CDC14A: variants seen among roughly 807,000 people sequenced by gnomAD.
The protein encoded by CDC14A is cell division cycle 14A, also known as dual specificity protein phosphatase CDC14A.
CDC14A carries 53 observed loss-of-function variants against 74.4 expected under a neutral mutation model. That is an observed-to-expected ratio of 0.71 (90% CI 0.57 to 0.89). CDC14A has a LOEUF of 0.89. Ranked by LOEUF, CDC14A falls within the 40% of genes least tolerant of loss-of-function variation. The pLI, the probability that CDC14A is intolerant of heterozygous loss-of-function variation, is 0.00. For missense variants in CDC14A, 646 were observed against 713.7 expected (o/e 0.91, Z 1.08); for synonymous variants, 247 against 258.4 (o/e 0.96, Z 0.43).
At chr1:100,386,759 C>T (rs568603452) in intron 3 of CDC14A, among the ~76,000 whole-genome samples, 3 of 152,266 alleles carry the variant, frequency 2.0e-5, no homozygotes, top group South Asian at 2.1e-4. Context: ...GATATTAGGG[C>T]AGAATCTGAG....
chr1:100,452,798 G>T (rs1666278417), intron 7 of CDC14A, among the ~76,000 whole-genome samples: 1 of 152,054 alleles, frequency 6.6e-6, no homozygotes, highest in Non-Finnish European at 1.5e-5. Flanking sequence ...CCTCATCCTT[G>T]CTTAGGTATT....
chr1:100,393,088 T>C, intron 4 of CDC14A: 1 of 1,440,022 alleles, frequency 6.9e-7, no homozygotes, highest in Non-Finnish European at 9.8e-7. Context: ...CTGTTTAATT[T>C]GATAGATTTC....
intron 4 of CDC14A, among the ~76,000 whole-genome samples, chr1:100,420,015 TATATATATAC>T (rs1309596486): frequency 1.5e-4 from 14 of 90,814 alleles, no homozygotes; most frequent in African/African-American, 5.4e-4. Context: ...TATATATACA[TATATATATAC>T]ATATATACAC....
At chr1:100,399,981 C>T (rs948126969) in intron 4 of CDC14A, among the ~76,000 whole-genome samples, 1 of 152,178 alleles carries the variant, frequency 6.6e-6, no homozygotes, top group African/African-American at 2.4e-5. Context: ...ACCTTTCCTG[C>T]TGTTACTCAT....
At position 100,426,651 on chromosome 1, in the gene CDC14A, C is replaced by T. The variant is rs1262110611; in HGVS notation, c.389+2350C>T. 1.3e-5 allele frequency among the ~76,000 whole-genome samples: 2 copies of T among 152,222 alleles called. 1 individual carries two copies. The highest frequency in any genetic ancestry group is 2.9e-5 in the Non-Finnish European group (2 of 68,012). ...TTTAAGTGAAAATTATCCCTCCCAT[C>T]CTTGATCCTCATCTGTCTAGTCCTT... On this transcript the variant is annotated intron_variant, in intron 5 of 15. Coordinates refer to ENST00000336454, the MANE Select transcript of CDC14A (RefSeq NM_003672.4).
chr1:100,380,611 C>G (rs141311118), intron 3 of CDC14A, among the ~76,000 whole-genome samples: 403 of 152,320 alleles, frequency 2.6e-3, no homozygotes, highest in African/African-American at 9.5e-3. Context: ...GACCTTCAGT[C>G]TCCCTGTTCT....
intron 10 of CDC14A, among the ~76,000 whole-genome samples, chr1:100,471,276 A>AC (rs901429066): frequency 1.2e-4 from 18 of 151,950 alleles, no homozygotes; most frequent in African/African-American, 4.1e-4. Flanking sequence ...GGGAAAACTG[A>AC]CCCCCCAAAA....
chr1:100,457,861 T>C (rs2101194886), intron 8 of CDC14A, among the ~76,000 whole-genome samples: 1 of 152,280 alleles, frequency 6.6e-6, no homozygotes, highest in Non-Finnish European at 1.5e-5. Flanking sequence ...AGATGAAGTT[T>C]TTCACTTTTT....
intron 2 of CDC14A, among the ~76,000 whole-genome samples, chr1:100,361,386 C>A (rs1652732377): frequency 6.6e-6 from 1 of 152,086 alleles, no homozygotes; most frequent in Non-Finnish European, 1.5e-5. Flanking sequence ...GTTAGGAGTT[C>A]AAGAAAGGAA....
chr1:100,470,767 C>G (rs1266860508), intron 10 of CDC14A, among the ~76,000 whole-genome samples: 1 of 152,042 alleles, frequency 6.6e-6, no homozygotes, highest in African/African-American at 2.4e-5. Context: ...TTATGTCAAC[C>G]AAAATGGCAA....
chr1:100,427,896 TG>T (rs1364459236), intron 5 of CDC14A, among the ~76,000 whole-genome samples: 1 of 151,902 alleles, frequency 6.6e-6, no homozygotes, highest in Non-Finnish European at 1.5e-5. Flanking sequence ...AACTCTGAAA[TG>T]GGGGGGTAGG....
intron 11 of CDC14A, among the ~76,000 whole-genome samples, chr1:100,487,351 G>A (rs1670123420): frequency 6.6e-6 from 1 of 152,250 alleles, no homozygotes; most frequent in African/African-American, 2.4e-5. Context: ...TTGAGGTCAG[G>A]AGTTTGAGAC....
At chr1:100,453,465 T>G (rs571312080) in intron 7 of CDC14A, among the ~76,000 whole-genome samples, 1 of 152,338 alleles carries the variant, frequency 6.6e-6, no homozygotes, top group Admixed American at 6.5e-5. Flanking sequence ...TAATAATTAC[T>G]TGAGAGATAT....
intron 10 of CDC14A, among the ~76,000 whole-genome samples, chr1:100,472,969 A>G (rs1156821293): frequency 6.6e-6 from 1 of 151,902 alleles, no homozygotes; most frequent in Non-Finnish European, 1.5e-5. Context: ...TACTGGACCT[A>G]TATAGTGAGC....
At chr1:100,424,738 TG>T (rs971779632) in intron 5 of CDC14A, among the ~76,000 whole-genome samples, 6 of 152,222 alleles carry the variant, frequency 3.9e-5, no homozygotes, top group Non-Finnish European at 7.3e-5. Flanking sequence ...ACCTGTTTAG[TG>T]GGGACCCTAA....
Position 100,431,622 on chromosome 1 carries a change from A to C in CDC14A, c.389+7321A>C, listed in dbSNP as rs182447474. 5.9e-3 allele frequency among the ~76,000 whole-genome samples: 891 copies of C among 152,076 alleles called. 16 individuals are homozygous for C. The highest frequency in any genetic ancestry group is 0.021 in the African/African-American group (864 of 41,482). ...TTTAGGAGGCCGAGGCAAGAGGATCACTTGAACCCATGAGTTAGAGACCAG... is the reference window on the plus strand; with the variant it reads ...TTTAGGAGGCCGAGGCAAGAGGATCCCTTGAACCCATGAGTTAGAGACCAG... On this transcript the variant is annotated intron_variant, in intron 5 of 15. Transcript: ENST00000336454.
intron 6 of CDC14A, among the ~76,000 whole-genome samples, chr1:100,440,758 A>T (rs140866542): frequency 2.0e-5 from 3 of 152,154 alleles, no homozygotes; most frequent in Non-Finnish European, 2.9e-5. Flanking sequence ...CATTTCTTGG[A>T]TGTAATATAA....
At chr1:100,398,739 G>T (rs1333669144) in intron 4 of CDC14A, among the ~76,000 whole-genome samples, 1 of 152,064 alleles carries the variant, frequency 6.6e-6, no homozygotes, top group Non-Finnish European at 1.5e-5. Flanking sequence ...TCTAACAAAT[G>T]TTTTTTTGAG....
chr1:100,396,126 G>A (rs547104937), intron 4 of CDC14A, among the ~76,000 whole-genome samples: 1 of 152,250 alleles, frequency 6.6e-6, no homozygotes, highest in Non-Finnish European at 1.5e-5. Context: ...CGCTGTGTGT[G>A]GAGGGTGATA....
Sources: gnomAD v4.1 joint callset for allele counts (sites outside exome capture counted in the v4.1 genomes callset) on GRCh38, gnomAD v4.1.1 for gene constraint, MANE v1.5 for transcripts, NCBI Gene and HGNC (gene_info 2026-07-23, HGNC 2026-07-21) for gene names.